NKAIN3: variants seen among roughly 807,000 people sequenced by gnomAD.
NKAIN3 encodes sodium/potassium-transporting ATPase subunit beta-1-interacting protein 3.
NKAIN3 carries 25 observed loss-of-function variants against 30.2 expected under a neutral mutation model. The observed-to-expected ratio is 0.83, with a 90% CI of 0.60 to 1.16. The LOEUF is 1.16. Ranked by LOEUF, NKAIN3 falls within the 50% of genes most tolerant of loss-of-function variation. The pLI is 0.00. For synonymous variants in NKAIN3, 91 were observed against 89.6 expected (o/e 1.02, Z -0.09); for missense variants, 225 against 254.1 (o/e 0.89, Z 0.78).
intron 1 of NKAIN3, among the ~76,000 whole-genome samples, chr8:62,552,585 T>C (rs1809251215): frequency 6.6e-6 from 1 of 152,228 alleles, no homozygotes; most frequent in South Asian, 2.1e-4. Context: ...ATTTCTGAGA[T>C]TGATGCCAGT....
intron 1 of NKAIN3, among the ~76,000 whole-genome samples, chr8:62,363,294 A>G (rs766347815): frequency 2.6e-5 from 4 of 152,214 alleles, no homozygotes; most frequent in Admixed American, 6.5e-5. Context: ...ATGAGTCAGC[A>G]TGATGATGGG....
intron 1 of NKAIN3, among the ~76,000 whole-genome samples, chr8:62,467,685 A>G (rs1166018281): frequency 6.6e-6 from 1 of 152,232 alleles, no homozygotes; most frequent in Admixed American, 6.5e-5. Flanking sequence ...TTATTTTTAC[A>G]TCAAAGAGAG....
chr8:62,492,449 A>T (rs990127894), intron 1 of NKAIN3, among the ~76,000 whole-genome samples: 16 of 152,010 alleles, frequency 1.1e-4, no homozygotes, highest in African/African-American at 3.4e-4. Context: ...ATCTTACTGG[A>T]TACTATATCT....
At chr8:62,659,819 C>T (rs2130356184) in intron 3 of NKAIN3, among the ~76,000 whole-genome samples, 1 of 152,140 alleles carries the variant, frequency 6.6e-6, no homozygotes, top group South Asian at 2.1e-4. Context: ...ATGCTGTTCT[C>T]CTGATAGTGA....
At chr8:62,987,762 C>T (rs1824234407), downstream of NKAIN3, among the ~76,000 whole-genome samples, 1 of 152,116 alleles carries the variant, frequency 6.6e-6, no homozygotes, top group Non-Finnish European at 1.5e-5. Flanking sequence ...CGCTGCCCCT[C>T]CCAAATCTCA....
chr8:62,741,290 A>G (rs1815860738), intron 3 of NKAIN3, among the ~76,000 whole-genome samples: 1 of 152,082 alleles, frequency 6.6e-6, no homozygotes, highest in African/African-American at 2.4e-5. Context: ...GTTTTGAGTT[A>G]AAGAGGAAGT....
At chr8:62,315,880 T>A (rs777713862) in intron 1 of NKAIN3, among the ~76,000 whole-genome samples, 21 of 152,224 alleles carry the variant, frequency 1.4e-4, no homozygotes, top group Admixed American at 2.6e-4. Context: ...CATGGCTTGA[T>A]ATGGTTTGGC....
chr8:62,505,855 C>T (rs1196511302), intron 1 of NKAIN3, among the ~76,000 whole-genome samples: 1 of 151,912 alleles, frequency 6.6e-6, no homozygotes, highest in African/African-American at 2.4e-5. Context: ...TTTAGAAGTC[C>T]CATATAGTTC....
intron 3 of NKAIN3, among the ~76,000 whole-genome samples, chr8:62,606,554 C>T (rs1171749957): frequency 6.6e-6 from 1 of 152,072 alleles, no homozygotes; most frequent in Non-Finnish European, 1.5e-5. Context: ...TCAGAACAAG[C>T]ACTATATCCC....
chr8:62,977,822 G>C lies in NKAIN3; in HGVS notation c.*12415G>C, dbSNP rs2124294. On this transcript the variant is annotated 3_prime_UTR_variant, in exon 7 of 7. Transcript: ENST00000623646. The stretch of plus-strand genomic sequence containing the variant: ...GTTTTGGGAATTTTCAGCCTTATTG[G>C]ACTGGTTTTTCCTCATCTTTGTGGC... The C allele has an allele frequency of 0.11, 16,353 of 152,108 alleles. 937 individuals carry two copies. The highest frequency in any genetic ancestry group is 0.17 in the South Asian group (830 of 4,816). 9.4% of individuals were successfully genotyped at this position (152,108 alleles called of 1,614,324 possible).
chr8:62,875,749 T>C (rs1019515648), intron 4 of NKAIN3, among the ~76,000 whole-genome samples: 3 of 152,178 alleles, frequency 2.0e-5, no homozygotes, highest in Admixed American at 6.5e-5. Flanking sequence ...ATTCAGGAAA[T>C]GGTGCTTGGA....
At chr8:62,249,504 C>T (rs1812020695) in intron 1 of NKAIN3, among the ~76,000 whole-genome samples, 1 of 152,236 alleles carries the variant, frequency 6.6e-6, no homozygotes, top group Admixed American at 6.5e-5. Flanking sequence ...CGGGGACTTG[C>T]GGGCTCTTTC....
In NKAIN3 at chr8:62,323,134, T is replaced by A. The variant is rs191052470; in HGVS notation, c.54+74007T>A. ...AGACAGTTTGGCAGTTTCTTATAAATCTAAACATGCTCTTATCTTATGACT... is the reference window on the plus strand; with the variant it reads ...AGACAGTTTGGCAGTTTCTTATAAAACTAAACATGCTCTTATCTTATGACT... On this transcript the variant is annotated intron_variant, in intron 1 of 6. Coordinates refer to ENST00000623646, the MANE Select transcript of NKAIN3 (RefSeq NM_001304533.3). Among the ~76,000 whole-genome samples, 6 of 152,314 alleles carry A rather than the reference T, an allele frequency of 3.9e-5. No individual in the cohort carries two copies. The East Asian group carries it at 1.2e-3, about 29-fold the overall frequency.
intron 1 of NKAIN3, among the ~76,000 whole-genome samples, chr8:62,477,786 T>TG (rs1563416374): frequency 6.6e-6 from 1 of 151,944 alleles, no homozygotes; most frequent in Admixed American, 6.6e-5. Flanking sequence ...GGCCAGAAGC[T>TG]GGGGATAAGA....
chr8:62,517,010 A>G (rs150053348), intron 1 of NKAIN3, among the ~76,000 whole-genome samples: 2 of 151,874 alleles, frequency 1.3e-5, no homozygotes, highest in East Asian at 3.9e-4. Flanking sequence ...TTCCTACCTA[A>G]ACTATTCTCT....
chr8:62,764,620 A>G (rs957648595), intron 4 of NKAIN3, among the ~76,000 whole-genome samples: 2 of 152,156 alleles, frequency 1.3e-5, no homozygotes, highest in Admixed American at 6.5e-5. Flanking sequence ...GTGTGCCACC[A>G]TACCTGGCTA....
chr8:62,807,008 T>A (rs1393616803), intron 4 of NKAIN3, among the ~76,000 whole-genome samples: 1 of 151,984 alleles, frequency 6.6e-6, no homozygotes, highest in Non-Finnish European at 1.5e-5. Context: ...AAATCATAAC[T>A]AGAATATTTC....
At chr8:62,814,503 T>A (rs1201470590) in intron 4 of NKAIN3, among the ~76,000 whole-genome samples, 1 of 151,822 alleles carries the variant, frequency 6.6e-6, no homozygotes, top group Non-Finnish European at 1.5e-5. Context: ...TCAGCAAATG[T>A]AAAAGAACAG....
At chr8:62,814,683 C>A (rs377247417) in intron 4 of NKAIN3, among the ~76,000 whole-genome samples, 6 of 151,860 alleles carry the variant, frequency 4.0e-5, no homozygotes, top group African/African-American at 1.5e-4. Flanking sequence ...TTGAAACCAA[C>A]GAGAACAAAG....
Sources: allele counts gnomAD v4.1 joint callset (sites outside exome capture counted in the v4.1 genomes callset), GRCh38; gene constraint gnomAD v4.1.1; transcripts MANE v1.5; gene names NCBI Gene and HGNC (gene_info 2026-07-23, HGNC 2026-07-21).